Variants in STK10 observed in about 807,000 individuals in gnomAD.
STK10 encodes the protein serine/threonine-protein kinase 10.
A neutral mutation model predicts 113.8 loss-of-function variants in STK10; 78 were observed. The observed-to-expected ratio is 0.69, with a 90% CI of 0.57 to 0.83. The LOEUF (loss-of-function observed/expected upper bound fraction) is 0.83, where lower values mean the gene tolerates loss of function less well. STK10 is among the 40% of genes least tolerant of loss of function. The pLI is 0.00. For missense variants in STK10, 1,109 were observed against 1,280.1 expected (o/e 0.87, Z 2.04); for synonymous variants, 465 against 494.7 (o/e 0.94, Z 0.80).
At chr5:172,147,596 A>G (rs1770111938) in intron 2 of STK10, among the ~76,000 whole-genome samples, 3 of 152,068 alleles carry the variant, frequency 2.0e-5, no homozygotes, top group Admixed American at 6.6e-5. Flanking sequence ...GTTTCACCAT[A>G]TTGGCCAGGG....
At chr5:172,100,835 T>G (rs1030156811) in intron 7 of STK10, among the ~76,000 whole-genome samples, 3 of 152,178 alleles carry the variant, frequency 2.0e-5, no homozygotes, top group African/African-American at 7.2e-5. Context: ...CTCGCAGTTT[T>G]CAGGCGCTGG....
intron 15 of STK10, among the ~76,000 whole-genome samples, chr5:172,056,855 G>C (rs1767785098): frequency 6.7e-6 from 1 of 150,002 alleles, no homozygotes; most frequent in South Asian, 2.1e-4. Flanking sequence ...GCCTGAGTGA[G>C]AGAGCGACTC....
chr5:172,168,126 T>C (rs902354225), intron 1 of STK10, among the ~76,000 whole-genome samples: 2 of 152,170 alleles, frequency 1.3e-5, no homozygotes, highest in African/African-American at 4.8e-5. Context: ...CCTATTTCCC[T>C]GTCTTTATTC....
intron 1 of STK10, among the ~76,000 whole-genome samples, chr5:172,182,520 A>C (rs1052441966): frequency 1.3e-4 from 19 of 145,894 alleles, no homozygotes; most frequent in Middle Eastern, 3.6e-3. Flanking sequence ...AGTAGCTGGG[A>C]CCACGGGCGC....
intron 18 of STK10, among the ~76,000 whole-genome samples, chr5:172,050,441 C>T (rs534371136): frequency 6.6e-6 from 1 of 152,214 alleles, no homozygotes; most frequent in Non-Finnish European, 1.5e-5. Context: ...GTTATAGTTC[C>T]AGCTACTTGG....
chr5:172,103,641 T>C (rs530089967), intron 7 of STK10, among the ~76,000 whole-genome samples: 1 of 151,762 alleles, frequency 6.6e-6, no homozygotes, highest in Non-Finnish European at 1.5e-5. Context: ...ATGAGGCCTT[T>C]GGGCACTCCA....
chr5:172,068,181 A>G (rs912198203), intron 12 of STK10, among the ~76,000 whole-genome samples: 52 of 152,158 alleles, frequency 3.4e-4, no homozygotes, highest in African/African-American at 1.1e-3. Context: ...TCTACTAAAA[A>G]TACAAAAAAA....
rs1030888034 is a variant in STK10, at chr5:172,053,125, C to T, written c.2653-83G>A. On this transcript the variant is annotated intron_variant, in intron 17 of 18. Transcript: ENST00000176763. ...TGAGACACACCTCACGCTGTGGCTA[C>T]GAGGGCACCAGCATCGTTCATTTAT... 33 of 1,034,042 alleles carry T rather than the reference C, an allele frequency of 3.2e-5. 1 individual carries two copies. The African/African-American group carries it at 3.3e-4, about 10-fold the overall frequency. 64.1% of individuals were successfully genotyped at this position (1,034,042 alleles called of 1,614,324 possible).
At chr5:172,054,122 T>C (rs1369452606) in intron 17 of STK10, among the ~76,000 whole-genome samples, 1 of 152,142 alleles carries the variant, frequency 6.6e-6, no homozygotes, top group African/African-American at 2.4e-5. Context: ...TACCAGCTCC[T>C]GGGGCCAGGA....
Position 172,133,247 on chromosome 5 carries a change from A to G in STK10, c.322-5826T>C, listed in dbSNP as rs10036736. Among the ~76,000 whole-genome samples, 47,037 of 151,946 alleles carry G rather than the reference A, an allele frequency of 0.31. 8,528 individuals are homozygous for G. Among genetic ancestry groups the G allele is most frequent in the African/African-American group, 0.51 (21,138 of 41,404 alleles). ...AGATACACCAAAGGGTTTAAGCAAG[A>G]GGTGTTGTAGACAGGCTTTTGCTTT... On this transcript the variant is annotated intron_variant, in intron 2 of 18. Coordinates refer to ENST00000176763, the MANE Select transcript of STK10 (RefSeq NM_005990.4). The surrounding 1 kb of genome is among the most constrained non-coding windows in gnomAD (Gnocchi z 4.9).
intron 1 of STK10, among the ~76,000 whole-genome samples, chr5:172,174,088 T>C (rs993907616): frequency 7.4e-6 from 1 of 135,270 alleles, no homozygotes; most frequent in Non-Finnish European, 1.7e-5. Context: ...ATGCGGGGCC[T>C]GTCCAGGGAG....
chr5:172,157,283 G>A (rs373240074), intron 1 of STK10, among the ~76,000 whole-genome samples: 1 of 152,118 alleles, frequency 6.6e-6, no homozygotes, highest in Non-Finnish European at 1.5e-5. Flanking sequence ...TCTAGGCCGG[G>A]TGCGGTGGCT....
At chr5:172,164,648 T>C (rs1046335284) in intron 1 of STK10, among the ~76,000 whole-genome samples, 5 of 152,224 alleles carry the variant, frequency 3.3e-5, no homozygotes, top group African/African-American at 9.6e-5. Flanking sequence ...CTCCCCCCTA[T>C]ATGGGGGAGG....
At chr5:172,102,509 G>A (rs1323828149) in intron 7 of STK10, among the ~76,000 whole-genome samples, 1 of 152,132 alleles carries the variant, frequency 6.6e-6, no homozygotes, top group Non-Finnish European at 1.5e-5. Flanking sequence ...CGTGGAGATG[G>A]AGGGAGGGCC....
chr5:172,107,490 T>A (rs1236755331), intron 5 of STK10, among the ~76,000 whole-genome samples: 1 of 152,196 alleles, frequency 6.6e-6, no homozygotes, highest in Non-Finnish European at 1.5e-5. Context: ...CTGAATCCTG[T>A]TTTATGGATT....
chr5:172,149,913 G>A (rs931240258), intron 2 of STK10, among the ~76,000 whole-genome samples: 8 of 151,890 alleles, frequency 5.3e-5, no homozygotes, highest in Admixed American at 1.3e-4. Context: ...TGGGTGTGGT[G>A]GCAGACACCT....
At chr5:172,176,510 C>T (rs1770761582) in intron 1 of STK10, among the ~76,000 whole-genome samples, 2 of 152,148 alleles carry the variant, frequency 1.3e-5, no homozygotes, top group African/African-American at 4.8e-5. Context: ...GCCCAGCCTC[C>T]ATTCAGCATG....
chr5:172,088,736 T>TCA lies in STK10; in HGVS notation c.1685+1494_1685+1495dup, dbSNP rs528907687. 2.4e-4 allele frequency among the ~76,000 whole-genome samples: 37 copies of TCA among 152,184 alleles called. No individual in the cohort carries two copies. The South Asian group carries it at 7.3e-3, about 30-fold the overall frequency. On this transcript the variant is annotated intron_variant, in intron 10 of 18. Coordinates refer to ENST00000176763, the MANE Select transcript of STK10 (RefSeq NM_005990.4). Reference sequence around the variant, plus strand: ...GGTCCAGTGAAACCTGAAGGAATTCTCACACACACAGACCCAGTTAGAATC... The same window carrying TCA: ...GGTCCAGTGAAACCTGAAGGAATTCTCACACACACACAGACCCAGTTAGAATC...
chr5:172,054,292 T>C (rs4073700), intron 17 of STK10, among the ~76,000 whole-genome samples: 55,857 of 152,010 alleles, frequency 0.37, 10,494 homozygotes, highest in Middle Eastern at 0.44. Context: ...GCCAGCTCCG[T>C]CACTTCATTC....
Sources: allele counts gnomAD v4.1 joint callset (sites outside exome capture counted in the v4.1 genomes callset), GRCh38; gene constraint gnomAD v4.1.1; non-coding constraint Gnocchi (gnomAD v3.1); transcripts MANE v1.5; gene names NCBI Gene and HGNC (gene_info 2026-07-23, HGNC 2026-07-21).